The following NME8 variants were observed in gnomAD, a reference collection of about 807,000 sequenced individuals.
NME8 encodes protein NME8.
In NME8, 72 loss-of-function variants were observed where a neutral mutation model predicts 82.3. The observed-to-expected ratio is 0.87, with a 90% CI of 0.72 to 1.06. The LOEUF is 1.06. NME8 is among the 50% of genes least tolerant of loss of function. The pLI, the probability that NME8 is intolerant of heterozygous loss-of-function variation, is 0.00. For missense variants in NME8, 712 were observed against 685.4 expected (o/e 1.04, Z -0.43); for synonymous variants, 267 against 228.5 (o/e 1.17, Z -1.52).
Position 37,857,214 on chromosome 7 carries a change from G to A in NME8, c.199-60G>A, listed in dbSNP as rs1398344443. 30 of 1,241,126 alleles carry A rather than the reference G, an allele frequency of 2.4e-5. No homozygotes were observed. In the East Asian group the frequency reaches 7.6e-4, roughly 31 times the overall value. 76.9% of individuals were successfully genotyped at this position (1,241,126 alleles called of 1,614,324 possible). Reference sequence around the variant, plus strand: ...TATCTCTGCATTGTTTCAACATAGTGTATCAAATTACTTGAATATAGTTTT... The same window carrying A: ...TATCTCTGCATTGTTTCAACATAGTATATCAAATTACTTGAATATAGTTTT... On this transcript the variant is annotated intron_variant, in intron 5 of 17. Transcript: ENST00000199447.
chr7:37,861,740 G>T (rs545717577), intron 6 of NME8, among the ~76,000 whole-genome samples: 5 of 152,316 alleles, frequency 3.3e-5, no homozygotes, highest in Admixed American at 6.5e-5. Context: ...AAGCAAGGAT[G>T]CCTCAGGAGA....
intron 15 of NME8, among the ~76,000 whole-genome samples, chr7:37,890,954 A>C (rs1583644810): frequency 6.6e-6 from 1 of 151,834 alleles, no homozygotes. Flanking sequence ...TTTCCTTTGG[A>C]TATATACCCA....
intron 12 of NME8, among the ~76,000 whole-genome samples, chr7:37,878,105 G>A (rs906543262): frequency 6.6e-6 from 1 of 152,198 alleles, no homozygotes. Flanking sequence ...TATGTTAGCT[G>A]TGTATGTCCT....
At chr7:37,892,713 T>G (rs1184677159) in intron 15 of NME8, among the ~76,000 whole-genome samples, 2 of 152,116 alleles carry the variant, frequency 1.3e-5, no homozygotes, top group African/African-American at 4.8e-5. Flanking sequence ...ATTTTATCTT[T>G]GTCTTTCGTG....
rs1296250088 is a variant in NME8 at position 37,854,966 on chromosome 7, A to T, written c.199-2308A>T. Reference sequence around the variant, plus strand: ...TTTTGCAGCTTTTTCTATAACAATGATGGCATCTTCAATGGTGCAATTCTC... The same window carrying T: ...TTTTGCAGCTTTTTCTATAACAATGTTGGCATCTTCAATGGTGCAATTCTC... On this transcript the variant is annotated intron_variant, in intron 5 of 17. Coordinates refer to ENST00000199447, the MANE Select transcript of NME8 (RefSeq NM_016616.5). Among the ~76,000 whole-genome samples, 3 of 152,164 alleles carry T rather than the reference A, an allele frequency of 2.0e-5. No homozygotes were observed. In the East Asian group the frequency reaches 5.8e-4, roughly 29 times the overall value.
In NME8 at chr7:37,873,370, A is replaced by AAAAAG. The variant is rs1562834592; in HGVS notation, c.819-3452_819-3448dup. Among the ~76,000 whole-genome samples the AAAAAG allele has an allele frequency of 2.2e-3, 328 of 146,910 alleles. 1 individual carries two copies. Among genetic ancestry groups the AAAAAG allele is most frequent in the South Asian group, 5.1e-3 (23 of 4,530 alleles). On this transcript the variant is annotated intron_variant, in intron 11 of 17. Transcript: ENST00000199447. Reference sequence around the variant, plus strand: ...GTGAGACTCTGTCTCAAAAAAAAAAAAAAAGAAAAGAAAATAGTCTTTATG... The same window carrying AAAAAG: ...GTGAGACTCTGTCTCAAAAAAAAAAAAAAAGAAAAGAAAAGAAAATAGTCTTTATG...
chr7:37,894,632 G>A lies in NME8; in HGVS notation c.1544+22G>A, dbSNP rs10261071. ...CTGTGTAAGTTTCTGATACATAATT[G>A]TTTGCATTATAAAAGTGGTAAATGT... On this transcript the variant is annotated intron_variant, in intron 16 of 17. Transcript: ENST00000199447. 1,073,906 of 1,545,366 alleles carry A rather than the reference G, an allele frequency of 0.69. 378,357 individuals are homozygous for A. The highest frequency in any genetic ancestry group is 0.73 in the Non-Finnish European group (816,254 of 1,124,014).
In NME8 at chr7:37,894,522, A is replaced by G; in HGVS notation, c.1456A>G (p.Met486Val). The G allele has an allele frequency of 6.2e-7, 1 of 1,613,118 alleles. No homozygotes were observed. The highest frequency in any genetic ancestry group is 1.1e-5 in the South Asian group (1 of 91,066). Residue 486 changes from methionine (M) to valine (V), a missense_variant, in exon 16 of 18, where the codon ATG becomes GTG. Physicochemically the swap from Met to Val is conservative, Grantham distance 21. Coordinates refer to ENST00000199447, the MANE Select transcript of NME8 (RefSeq NM_016616.5). The stretch of plus-strand genomic sequence containing the variant: ...ATTTGATCTGACACAGGTGAAGAAA[A>G]TGTTCCTAACTCCTGAGCAAATAGA... ...AGFDLTQVKK[M>V]FLTPEQIEKI...
chr7:37,871,275 T>A (rs1211632005), intron 11 of NME8, among the ~76,000 whole-genome samples: 1 of 152,132 alleles, frequency 6.6e-6, no homozygotes, highest in Non-Finnish European at 1.5e-5. Context: ...GTCTGCCTGC[T>A]CCAGTGGCTG....
chr7:37,898,776 G>T (rs1176297705), intron 17 of NME8, among the ~76,000 whole-genome samples: 1 of 152,054 alleles, frequency 6.6e-6, no homozygotes, highest in Non-Finnish European at 1.5e-5. Flanking sequence ...AAATATTTTG[G>T]AAATTGTTTG....
intron 9 of NME8, 151 bp from the exon 10 acceptor site, chr7:37,865,374 C>T (rs114654472): frequency 1.4e-4 from 92 of 637,516 alleles, no homozygotes; most frequent in African/African-American, 1.4e-3. Flanking sequence ...TATTTTTGAG[C>T]CACTTCAAAC....
chr7:37,851,703 A>G (rs1275757406), intron 5 of NME8, among the ~76,000 whole-genome samples: 2 of 152,060 alleles, frequency 1.3e-5, no homozygotes, highest in African/African-American at 4.8e-5. Context: ...GAGAATTTAT[A>G]TGTGTGGCTT....
At position 37,848,826 on chromosome 7, in the gene NME8, AGGCAG is replaced by A. The variant is rs1424875232; in HGVS notation, c.-235_-231del. 1 of 152,290 alleles carries A rather than the reference AGGCAG, an allele frequency of 6.6e-6. No individual in the cohort carries two copies. Among genetic ancestry groups the A allele is most frequent in the Non-Finnish European group, 1.5e-5 (1 of 68,120 alleles). The allele number at this position is 152,290 out of a possible 1,614,324, so 9.4% of individuals were successfully genotyped here. ...ATTGCCCCCCTTCTTCTTCCCAGACAGGCAGGGAATCCCTCTTCTTCCTTTTGCTG... is the reference window on the plus strand; with the variant it reads ...ATTGCCCCCCTTCTTCTTCCCAGACAGGAATCCCTCTTCTTCCTTTTGCTG... On this transcript the variant is annotated 5_prime_UTR_variant, in exon 2 of 18. An upstream open reading frame in the 5' UTR loses its in-frame stop. Coordinates refer to ENST00000199447, the MANE Select transcript of NME8 (RefSeq NM_016616.5).
intron 3 of NME8, 34 bp downstream of exon 3, chr7:37,850,333 T>G: frequency 6.2e-7 from 1 of 1,614,012 alleles, no homozygotes; most frequent in Non-Finnish European, 8.5e-7. Flanking sequence ...CTTTATCTGG[T>G]GCACTAGTGC....
chr7:37,890,678 T>TG (rs1344992641), intron 15 of NME8, among the ~76,000 whole-genome samples: 5 of 151,998 alleles, frequency 3.3e-5, no homozygotes, highest in African/African-American at 9.7e-5. Flanking sequence ...CAGTATTTTG[T>TG]CTTTTCTGTG....
At chr7:37,885,535 A>C (rs188164737) in intron 14 of NME8, among the ~76,000 whole-genome samples, 1 of 152,216 alleles carries the variant, frequency 6.6e-6, no homozygotes, top group East Asian at 1.9e-4. Context: ...AGAAATATCC[A>C]CCCTACCCGC....
intron 5 of NME8, among the ~76,000 whole-genome samples, 188 bp from the exon 6 acceptor site, chr7:37,857,086 G>T (rs538471132): frequency 2.6e-5 from 4 of 152,258 alleles, no homozygotes; most frequent in African/African-American, 9.6e-5. Context: ...GTGCGGAAAG[G>T]TTAAGGCCAA....
At chr7:37,896,079 C>A (rs1273936742) in intron 16 of NME8, among the ~76,000 whole-genome samples, 4 of 152,084 alleles carry the variant, frequency 2.6e-5, no homozygotes, top group African/African-American at 9.7e-5. Flanking sequence ...TATAAGAAAC[C>A]TCTTTAATTG....
chr7:37,899,174 C>T (rs973714230), intron 17 of NME8, among the ~76,000 whole-genome samples: 2 of 152,114 alleles, frequency 1.3e-5, no homozygotes, highest in African/African-American at 4.8e-5. Context: ...CCCAGAAATC[C>T]CATTACTGGA....
Sources: gnomAD v4.1 joint callset for allele counts (sites outside exome capture counted in the v4.1 genomes callset) on GRCh38, gnomAD v4.1.1 for gene constraint, MANE v1.5 for transcripts, NCBI Gene and HGNC (gene_info 2026-07-23, HGNC 2026-07-21) for gene names.